ULK4: variants seen among roughly 807,000 people sequenced by gnomAD.
ULK4 encodes the protein unc-51 like kinase 4, also known as inactive serine/threonine-protein kinase ULK4.
Under a neutral mutation model 160.6 loss-of-function variants are expected in ULK4, and 133 were observed. The observed-to-expected ratio is 0.83, with a 90% CI of 0.72 to 0.96. The LOEUF (loss-of-function observed/expected upper bound fraction) is 0.96. Ranked by LOEUF, ULK4 falls within the 40% of genes least tolerant of loss-of-function variation. The pLI is 0.00. For missense variants in ULK4, 1,580 were observed against 1,499.5 expected (o/e 1.05, Z -0.89); for synonymous variants, 534 against 539.8 (o/e 0.99, Z 0.15).
intron 23 of ULK4, among the ~76,000 whole-genome samples, chr3:41,717,517 T>C (rs910404683): frequency 6.6e-6 from 1 of 152,180 alleles, no homozygotes; most frequent in Non-Finnish European, 1.5e-5. Context: ...AATGTGGCAT[T>C]GTCTCATCAT....
intron 22 of ULK4, among the ~76,000 whole-genome samples, chr3:41,735,649 T>G (rs1051271102): frequency 6.6e-6 from 1 of 151,694 alleles, no homozygotes; most frequent in Non-Finnish European, 1.5e-5. Flanking sequence ...GTCAAAACAC[T>G]ACAGTTTTCT....
chr3:41,638,260 A>G (rs529347377), intron 30 of ULK4, among the ~76,000 whole-genome samples: 1 of 152,044 alleles, frequency 6.6e-6, no homozygotes, highest in Non-Finnish European at 1.5e-5. Flanking sequence ...TTTCATGTTT[A>G]TTGTTAGGAA....
chr3:41,481,964 TTTG>T (rs2084342545), intron 32 of ULK4, among the ~76,000 whole-genome samples: 1 of 151,854 alleles, frequency 6.6e-6, no homozygotes, highest in Admixed American at 6.6e-5. Context: ...TATGATTTTT[TTTG>T]TTGTTGTTGT....
chr3:41,249,439 A>T (rs1247471755), intron 36 of ULK4, 50 bp downstream of exon 36: 2 of 1,540,408 alleles, frequency 1.3e-6, no homozygotes, highest in Non-Finnish European at 1.8e-6. Context: ...AATGGCTGAG[A>T]GTGTGTGCTG....
In ULK4 at chr3:41,754,324, T is replaced by C. The variant is rs569805266; in HGVS notation, c.2321+37A>G. The C allele has an allele frequency of 6.3e-6, 10 of 1,594,868 alleles. No individual in the cohort carries two copies. The African/African-American group carries it at 9.5e-5, about 15-fold the overall frequency. ...AACTACTAATACAACAGGCACTAAA[T>C]TGAAGTTACTGATGAAACCATCAGA... On this transcript the variant is annotated intron_variant, in intron 22 of 36. Coordinates refer to ENST00000301831, the MANE Select transcript of ULK4 (RefSeq NM_017886.4).
intron 27 of ULK4, among the ~76,000 whole-genome samples, chr3:41,693,206 CA>C (rs1200259296): frequency 6.6e-6 from 1 of 152,196 alleles, no homozygotes; most frequent in African/African-American, 2.4e-5. Context: ...TCGAAACTAG[CA>C]TTCTCATGCA....
chr3:41,506,773 T>TATATAAATATATATATAA (rs1559658130), intron 32 of ULK4, among the ~76,000 whole-genome samples: 1 of 20,110 alleles, frequency 5.0e-5, no homozygotes, highest in Non-Finnish European at 1.1e-4. Context: ...TTAAAATATA[T>TATATAAATATATATATAA]ATATATATAT....
chr3:41,524,123 T>A (rs551514066), intron 32 of ULK4, among the ~76,000 whole-genome samples: 98 of 152,190 alleles, frequency 6.4e-4, no homozygotes, highest in Middle Eastern at 3.4e-3. Flanking sequence ...CAGAGGTGAT[T>A]TAGGGGGATT....
At chr3:41,281,722 T>A (rs1349254634) in intron 35 of ULK4, among the ~76,000 whole-genome samples, 1 of 152,202 alleles carries the variant, frequency 6.6e-6, no homozygotes, top group Non-Finnish European at 1.5e-5. Flanking sequence ...CTGGAAGCAT[T>A]GCCTTTGAAA....
At chr3:41,717,366 A>C (rs2037304453) in intron 23 of ULK4, among the ~76,000 whole-genome samples, 1 of 152,108 alleles carries the variant, frequency 6.6e-6, no homozygotes, top group South Asian at 2.1e-4. Context: ...TTCAAGAGAA[A>C]ATTCTTTTCT....
intron 34 of ULK4, among the ~76,000 whole-genome samples, chr3:41,416,945 C>T (rs895728680): frequency 5.3e-5 from 8 of 152,110 alleles, no homozygotes; most frequent in African/African-American, 9.7e-5. Flanking sequence ...ATCCTCTGCT[C>T]AGCTGAAAGT....
chr3:41,859,284 TG>T (rs1267470599), intron 17 of ULK4: 6 of 555,530 alleles, frequency 1.1e-5, no homozygotes, highest in Non-Finnish European at 2.1e-5. Flanking sequence ...GAGGTGATTT[TG>T]CATCTAGAAG....
At chr3:41,643,717 A>G (rs2034346053) in intron 30 of ULK4, among the ~76,000 whole-genome samples, 1 of 152,106 alleles carries the variant, frequency 6.6e-6, no homozygotes, top group African/African-American at 2.4e-5. Flanking sequence ...AGTTTTTTCC[A>G]GTTCTGTGAA....
rs143330082 is a variant in ULK4, at chr3:41,540,077, A to G, written c.3226+25948T>C. ...CAGAAAACAGTGTTTTTTATTTATT[A>G]TTATTATTATACTTTAAGTTCTGGG... On this transcript the variant is annotated intron_variant, in intron 32 of 36. Coordinates refer to ENST00000301831, the MANE Select transcript of ULK4 (RefSeq NM_017886.4). Among the ~76,000 whole-genome samples the G allele has an allele frequency of 3.5e-3, 527 of 152,154 alleles. 4 individuals carry two copies. Among genetic ancestry groups the G allele is most frequent in the Non-Finnish European group, 6.0e-3 (406 of 67,964 alleles).
At chr3:41,496,057 G>GT (rs1215208596) in intron 32 of ULK4, among the ~76,000 whole-genome samples, 3 of 151,932 alleles carry the variant, frequency 2.0e-5, no homozygotes, top group Non-Finnish European at 1.5e-5. Context: ...CAATAAAGTA[G>GT]TATTTGTAAA....
intron 35 of ULK4, among the ~76,000 whole-genome samples, chr3:41,343,754 C>T (rs2080739442): frequency 6.6e-6 from 1 of 152,076 alleles, no homozygotes; most frequent in Admixed American, 6.5e-5. Flanking sequence ...TTCACAATTG[C>T]TACAAAAAGA....
At chr3:41,378,755 A>AGTAC (rs1165272821) in intron 35 of ULK4, among the ~76,000 whole-genome samples, 1 of 152,064 alleles carries the variant, frequency 6.6e-6, no homozygotes, top group Admixed American at 6.6e-5. Context: ...CGTTGTGCAC[A>AGTAC]TGTACCCTAG....
chr3:41,770,456 A>G (rs987053118), intron 21 of ULK4, among the ~76,000 whole-genome samples: 1 of 151,992 alleles, frequency 6.6e-6, no homozygotes, highest in Non-Finnish European at 1.5e-5. Context: ...GCTACAGATT[A>G]TAGGATTACT....
At chr3:41,951,144 CAAAAAAAAAAA>C (rs34524276) in intron 2 of ULK4, among the ~76,000 whole-genome samples, 96 of 64,664 alleles carry the variant, frequency 1.5e-3, no homozygotes, top group African/African-American at 5.4e-3. Context: ...GGCTTCGTCT[CAAAAAAAAAAA>C]AAAAAAAAAA....
Sources: gnomAD v4.1 joint callset for allele counts (sites outside exome capture counted in the v4.1 genomes callset) on GRCh38, gnomAD v4.1.1 for gene constraint, MANE v1.5 for transcripts, NCBI Gene and HGNC (gene_info 2026-07-23, HGNC 2026-07-21) for gene names.